The following PTPRO variants were observed in gnomAD, a reference collection of about 807,000 sequenced individuals.
PTPRO encodes receptor-type tyrosine-protein phosphatase O.
Under a neutral mutation model 145.2 loss-of-function variants are expected in PTPRO, and 62 were observed. That is an observed-to-expected ratio of 0.43 (90% confidence interval 0.35 to 0.53). The LOEUF is 0.53. Ranked by LOEUF, PTPRO falls within the 20% of genes least tolerant of loss-of-function variation. PTPRO has a pLI of 0.01. For synonymous variants in PTPRO, 565 were observed against 514.7 expected (o/e 1.10, Z -1.32); for missense variants, 1,345 against 1,482.7 (o/e 0.91, Z 1.53).
chr12:15,518,349 C>T (rs962419973), intron 9 of PTPRO, among the ~76,000 whole-genome samples: 5 of 152,218 alleles, frequency 3.3e-5, no homozygotes, highest in African/African-American at 9.6e-5. Context: ...GACCCTGGGC[C>T]TGGGCCACAA....
intron 5 of PTPRO, among the ~76,000 whole-genome samples, chr12:15,503,355 T>G (rs1303553949): frequency 1.3e-5 from 2 of 152,162 alleles, no homozygotes; most frequent in Non-Finnish European, 2.9e-5. Context: ...ATTCTTTCTT[T>G]AAGAAGATCT....
chr12:15,561,922 T>C (rs899762729), intron 17 of PTPRO, among the ~76,000 whole-genome samples: 1 of 152,150 alleles, frequency 6.6e-6, no homozygotes, highest in Non-Finnish European at 1.5e-5. Context: ...ATAGGCCTCA[T>C]TGATGAACAT....
chr12:15,414,051 A>T (rs964827688), intron 1 of PTPRO, among the ~76,000 whole-genome samples: 1 of 152,210 alleles, frequency 6.6e-6, no homozygotes, highest in African/African-American at 2.4e-5. Flanking sequence ...GAAACTATTG[A>T]TCTTCAGCTT....
At chr12:15,503,809 T>A in intron 5 of PTPRO, 99 bp from the exon 6 acceptor site, 1 of 967,686 alleles carries the variant, frequency 1.0e-6, no homozygotes, top group Non-Finnish European at 1.5e-6. Context: ...GGAGGGAACA[T>A]TTAAAACACC....
chr12:15,447,832 T>C (rs1029784182), intron 1 of PTPRO, among the ~76,000 whole-genome samples: 5 of 152,152 alleles, frequency 3.3e-5, no homozygotes, highest in African/African-American at 9.7e-5. Flanking sequence ...TCTCTGCAGA[T>C]TGATCACGTC....
intron 14 of PTPRO, among the ~76,000 whole-genome samples, chr12:15,550,639 G>A (rs921995754): frequency 3.3e-5 from 5 of 152,154 alleles, no homozygotes; most frequent in Admixed American, 1.3e-4. Context: ...CTGATCATGC[G>A]TCCATTGTTC....
intron 25 of PTPRO, among the ~76,000 whole-genome samples, chr12:15,590,475 G>A (rs919494108): frequency 2.6e-5 from 4 of 152,112 alleles, no homozygotes; most frequent in Non-Finnish European, 4.4e-5. Context: ...CCTGTAATCA[G>A]GGTATTTTTA....
chr12:15,389,104 AT>A (rs148751888), intron 1 of PTPRO, among the ~76,000 whole-genome samples: 2,162 of 137,632 alleles, frequency 0.016, 13 homozygotes, highest in Middle Eastern at 0.026. Flanking sequence ...TAAATAAAGA[AT>A]TTTTTTTTTT....
chr12:15,475,706 A>G (rs563035313), intron 1 of PTPRO, among the ~76,000 whole-genome samples: 1 of 152,340 alleles, frequency 6.6e-6, no homozygotes, highest in East Asian at 1.9e-4. Context: ...GCATATTTAT[A>G]ACCAGGATTC....
chr12:15,484,383 A>G, intron 2 of PTPRO, 136 bp downstream of exon 2: 1 of 942,614 alleles, frequency 1.1e-6, no homozygotes, highest in Non-Finnish European at 1.6e-6. Context: ...ATTCAAAGTT[A>G]TGAGCTATAT....
At chr12:15,357,899 G>A in intron 1 of PTPRO, among the ~76,000 whole-genome samples, 2 of 150,010 alleles carry the variant, frequency 1.3e-5, no homozygotes, top group South Asian at 4.3e-4. Context: ...TATACCCAAA[G>A]GACTATAAAT....
intron 25 of PTPRO, among the ~76,000 whole-genome samples, chr12:15,591,434 A>G (rs980725777): frequency 6.6e-6 from 1 of 152,112 alleles, no homozygotes; most frequent in African/African-American, 2.4e-5. Flanking sequence ...CTTTTCTCCA[A>G]CTACAGATTC....
intron 8 of PTPRO, among the ~76,000 whole-genome samples, chr12:15,516,242 T>A (rs577956944): frequency 6.7e-6 from 1 of 148,964 alleles, no homozygotes; most frequent in Non-Finnish European, 1.5e-5. Context: ...CCACCTTGGC[T>A]TCCCAAAGTG....
intron 6 of PTPRO, 78 bp from the exon 7 acceptor site, chr12:15,508,493 T>C: frequency 4.9e-6 from 7 of 1,433,050 alleles, no homozygotes; most frequent in Non-Finnish European, 6.8e-6. Flanking sequence ...AAAGAAAACA[T>C]GATTTTTTAA....
intron 1 of PTPRO, among the ~76,000 whole-genome samples, chr12:15,338,287 TTGTATGTG>T (rs1445386024): frequency 2.8e-4 from 42 of 152,304 alleles, no homozygotes; most frequent in African/African-American, 9.9e-4. Context: ...GTTTTGTTTT[TTGTATGTG>T]TGTGTGGCAC....
intron 2 of PTPRO, among the ~76,000 whole-genome samples, chr12:15,492,019 C>T (rs1469525830): frequency 5.9e-5 from 9 of 152,120 alleles, no homozygotes; most frequent in African/African-American, 1.7e-4. Context: ...ATCTTACTAC[C>T]GAGGTCCAAG....
chr12:15,349,730 A>G (rs950409392), intron 1 of PTPRO, among the ~76,000 whole-genome samples: 4 of 152,236 alleles, frequency 2.6e-5, no homozygotes, highest in African/African-American at 9.6e-5. Flanking sequence ...ATCACATTAA[A>G]GCCTGTGCTT....
At chr12:15,505,406 C>A (rs1483575889) in intron 6 of PTPRO, among the ~76,000 whole-genome samples, 1 of 152,200 alleles carries the variant, frequency 6.6e-6, no homozygotes, top group Non-Finnish European at 1.5e-5. Flanking sequence ...ATTTATGGAA[C>A]CACTTATATC....
intron 1 of PTPRO, among the ~76,000 whole-genome samples, chr12:15,475,094 A>G (rs1941624823): frequency 6.6e-6 from 1 of 152,238 alleles, no homozygotes; most frequent in Non-Finnish European, 1.5e-5. Flanking sequence ...GGATGATTTT[A>G]TTGCCTATGA....
Sources: allele counts gnomAD v4.1 joint callset (sites outside exome capture counted in the v4.1 genomes callset), GRCh38; gene constraint gnomAD v4.1.1; transcripts MANE v1.5; gene names NCBI Gene and HGNC (gene_info 2026-07-23, HGNC 2026-07-21).